The following PLCG2 variants were observed in gnomAD, a reference collection of about 807,000 sequenced individuals.
PLCG2 encodes phospholipase C gamma 2.
PLCG2 carries 69 observed loss-of-function variants against 175.6 expected under a neutral mutation model. That is an observed-to-expected ratio of 0.39 (90% CI 0.32 to 0.48). PLCG2 has a LOEUF of 0.48. Among genes scored for constraint, PLCG2 ranks in the 20% least tolerant of loss-of-function variants. The probability of loss-of-function intolerance (pLI) is 0.91; values close to 1 mark genes in which losing one functional copy is unlikely to be tolerated. For missense variants in PLCG2, 1,798 were observed against 1,650.9 expected (o/e 1.09, Z -1.54); for synonymous variants, 827 against 624.0 (o/e 1.33, Z -4.85).
In PLCG2 at chr16:81,891,492, A is replaced by G. The variant is rs1187780050; in HGVS notation, c.888A>G (p.Ser296=). 7.5e-6 allele frequency: 12 copies of G among 1,600,146 alleles called. No homozygotes were observed. The highest frequency in any genetic ancestry group is 1.0e-5 in the Non-Finnish European group (12 of 1,167,218). Residue 296 remains serine (S), a synonymous_variant, in exon 11 of 33, where the codon TCA becomes TCG. Transcript: ENST00000564138. ...TTTAGTTCCTCACGTACCTGTTTTCACGAGAAAACAGCATCTGGGATGAGA... is the reference window on the plus strand; with the variant it reads ...TTTAGTTCCTCACGTACCTGTTTTCGCGAGAAAACAGCATCTGGGATGAGA... ...FVDEFLTYLF[S]RENSIWDEKY...
intron 7 of PLCG2, among the ~76,000 whole-genome samples, chr16:81,875,104 C>G (rs570702185): frequency 6.6e-6 from 1 of 151,974 alleles, no homozygotes; most frequent in South Asian, 2.1e-4. Flanking sequence ...GCTGGGATTA[C>G]AGGCATGCAC....
intron 30 of PLCG2, 117 bp from the exon 31 acceptor site, chr16:81,946,058 G>C: frequency 1.3e-6 from 1 of 761,978 alleles, no homozygotes; most frequent in Non-Finnish European, 2.4e-6. Context: ...CCCAGCATGG[G>C]GCACTGACTT....
chr16:81,900,431 A>G (rs895074156), intron 13 of PLCG2, among the ~76,000 whole-genome samples, 181 bp from the exon 14 acceptor site: 13 of 152,240 alleles, frequency 8.5e-5, no homozygotes, highest in Admixed American at 8.5e-4. Flanking sequence ...CTGAGTCCCA[A>G]GACTTGTGCC....
chr16:81,941,474 C>G (rs543873430), intron 30 of PLCG2, among the ~76,000 whole-genome samples: 1 of 152,122 alleles, frequency 6.6e-6, no homozygotes, highest in Admixed American at 6.5e-5. Flanking sequence ...CAAACTATGT[C>G]AAGGCTGCCT....
intron 2 of PLCG2, among the ~76,000 whole-genome samples, chr16:81,790,212 T>C (rs1911169346): frequency 6.6e-6 from 1 of 152,176 alleles, no homozygotes; most frequent in Non-Finnish European, 1.5e-5. Context: ...TTTCAGGATG[T>C]TTGCTGTTGT....
At chr16:81,790,282 T>A (rs1162651260) in intron 2 of PLCG2, among the ~76,000 whole-genome samples, 2 of 151,790 alleles carry the variant, frequency 1.3e-5, no homozygotes, top group African/African-American at 4.8e-5. Flanking sequence ...TGGAGGGGAG[T>A]AGGGTCCATT....
At chr16:81,925,885 CAAAA>C (rs755323945) in intron 22 of PLCG2, among the ~76,000 whole-genome samples, 13 of 19,768 alleles carry the variant, frequency 6.6e-4, no homozygotes, top group African/African-American at 1.9e-3. Flanking sequence ...GACTCTGTCT[CAAAA>C]AAAAAAAAAA....
At chr16:81,764,483 C>T (rs1450547688) in intron 2 of PLCG2, among the ~76,000 whole-genome samples, 1 of 152,194 alleles carries the variant, frequency 6.6e-6, no homozygotes, top group South Asian at 2.1e-4. Flanking sequence ...CAGCTGGCAT[C>T]TGAATAGATT....
chr16:81,836,211 C>T (rs540434694), intron 2 of PLCG2, among the ~76,000 whole-genome samples: 1 of 152,314 alleles, frequency 6.6e-6, no homozygotes, highest in Non-Finnish European at 1.5e-5. Context: ...CCAATCCCTG[C>T]ATTTCTCAGA....
chr16:81,806,119 C>T (rs956191002), intron 2 of PLCG2, among the ~76,000 whole-genome samples: 2 of 147,366 alleles, frequency 1.4e-5, no homozygotes, highest in African/African-American at 4.9e-5. Flanking sequence ...TCTTCAAAAT[C>T]CAGTGTGTGT....
At chr16:81,754,611 G>T (rs55761846) in intron 1 of PLCG2, among the ~76,000 whole-genome samples, 72,644 of 148,832 alleles carry the variant, frequency 0.49, 19,228 homozygotes, top group Middle Eastern at 0.61. Context: ...ACCTGGTAAG[G>T]TGTAGGTGCT....
At chr16:81,786,696 T>G (rs1291824247) in intron 2 of PLCG2, among the ~76,000 whole-genome samples, 1 of 152,204 alleles carries the variant, frequency 6.6e-6, no homozygotes, top group Non-Finnish European at 1.5e-5. Context: ...GGTAGAGGTG[T>G]CCCTCCTCCC....
rs139857058 is a variant in PLCG2, at chr16:81,834,564, C to T, written c.194-19880C>T. Among the ~76,000 whole-genome samples the T allele has an allele frequency of 1.6e-3, 242 of 151,218 alleles. 1 individual carries two copies. Among genetic ancestry groups the T allele is most frequent in the Middle Eastern group, 6.8e-3 (2 of 294 alleles). ...GATGATGGACAGAGAGCACTCGTCACGTGGTTGATAGACCCTGGATCTGCA... is the reference window on the plus strand; with the variant it reads ...GATGATGGACAGAGAGCACTCGTCATGTGGTTGATAGACCCTGGATCTGCA... On this transcript the variant is annotated intron_variant, in intron 2 of 32. Coordinates refer to ENST00000564138, the MANE Select transcript of PLCG2 (RefSeq NM_002661.5).
intron 7 of PLCG2, among the ~76,000 whole-genome samples, chr16:81,874,624 T>C (rs967116676): frequency 2.4e-4 from 37 of 152,226 alleles, no homozygotes; most frequent in Non-Finnish European, 1.8e-4. Flanking sequence ...CTCAGGCTCC[T>C]GCAGGAGACA....
At chr16:81,750,135 T>C (rs979229930) in intron 1 of PLCG2, among the ~76,000 whole-genome samples, 5 of 151,964 alleles carry the variant, frequency 3.3e-5, no homozygotes, top group African/African-American at 1.2e-4. Flanking sequence ...TGGCTGGGTG[T>C]GGTGGCTCAT....
At chr16:81,897,516 A>AT (rs1360674599) in intron 13 of PLCG2, among the ~76,000 whole-genome samples, 1 of 143,606 alleles carries the variant, frequency 7.0e-6, no homozygotes, top group African/African-American at 2.6e-5. Context: ...AAGATCGATT[A>AT]TTTTTTCTCT....
At chr16:81,857,639 TTTC>T (rs1906752383) in intron 3 of PLCG2, among the ~76,000 whole-genome samples, 1 of 84,442 alleles carries the variant, frequency 1.2e-5, no homozygotes, top group Non-Finnish European at 3.2e-5. Flanking sequence ...CTAGTCTCTC[TTTC>T]TCTTCTCTAA....
chr16:81,888,494 G>T (rs1419055544), intron 9 of PLCG2, among the ~76,000 whole-genome samples: 1 of 152,202 alleles, frequency 6.6e-6, no homozygotes, highest in Non-Finnish European at 1.5e-5. Context: ...ACCAAAGTGG[G>T]TCTGAGCACT....
intron 7 of PLCG2, among the ~76,000 whole-genome samples, chr16:81,878,107 G>A (rs889096199): frequency 4.7e-5 from 7 of 148,332 alleles, no homozygotes; most frequent in African/African-American, 1.0e-4. Context: ...TCAGCCTCCC[G>A]AGTAGCTGGG....
Sources: gnomAD v4.1 joint callset for allele counts (sites outside exome capture counted in the v4.1 genomes callset) on GRCh38, gnomAD v4.1.1 for gene constraint, MANE v1.5 for transcripts, NCBI Gene and HGNC (gene_info 2026-07-23, HGNC 2026-07-21) for gene names.